Variants in NCKAP5 observed in about 807,000 individuals in gnomAD.
NCKAP5 encodes the protein NCK associated protein 5, also known as nck-associated protein 5.
Under a neutral mutation model 167.0 loss-of-function variants are expected in NCKAP5, and 92 were observed. That is an observed-to-expected ratio of 0.55 (90% CI 0.47 to 0.66). The LOEUF (loss-of-function observed/expected upper bound fraction) is 0.66. NCKAP5 is among the 30% of genes least tolerant of loss of function. The pLI is 0.00. For synonymous variants in NCKAP5, 891 were observed against 877.4 expected (o/e 1.02, Z -0.27); for missense variants, 2,378 against 2,315.0 (o/e 1.03, Z -0.56).
intron 6 of NCKAP5, among the ~76,000 whole-genome samples, chr2:133,035,930 A>G (rs1459922503): frequency 6.6e-6 from 1 of 151,972 alleles, no homozygotes; most frequent in Non-Finnish European, 1.5e-5. Flanking sequence ...ACAAACCTTT[A>G]GCCAGACTAA....
intron 3 of NCKAP5, among the ~76,000 whole-genome samples, chr2:133,316,667 A>G (rs1681631594): frequency 6.6e-6 from 1 of 152,222 alleles, no homozygotes; most frequent in African/African-American, 2.4e-5. Context: ...ATCACCCAAG[A>G]GGAGCGAACA....
the NCKAP5 span, among the ~76,000 whole-genome samples, chr2:133,588,636 G>A: frequency 2.0e-5 from 3 of 152,190 alleles, no homozygotes; most frequent in East Asian, 1.9e-4. Context: ...CTTTCAAGGA[G>A]CACACATTTT....
At chr2:133,057,558 A>C (rs1466121298) in intron 6 of NCKAP5, among the ~76,000 whole-genome samples, 1 of 152,206 alleles carries the variant, frequency 6.6e-6, no homozygotes, top group Non-Finnish European at 1.5e-5. Context: ...ATATCCCCTT[A>C]AGCCAAAGCC....
intron 13 of NCKAP5, among the ~76,000 whole-genome samples, chr2:132,787,764 A>G (rs1034953806): frequency 6.6e-6 from 1 of 152,160 alleles, no homozygotes; most frequent in Admixed American, 6.5e-5. Flanking sequence ...GAATCTGGGT[A>G]TTATAGCTCC....
Position 132,785,295 on chromosome 2 carries a change from T to C in NCKAP5, c.1516A>G (p.Ser506Gly), listed in dbSNP as rs763487377. Reference protein sequence around the residue: ...CRPHGSKLTHSVSDSLFGWET... With the variant: ...CRPHGSKLTHGVSDSLFGWET... ...CAGCCAAACAGACTGTCGGAAACAC[T>C]GTGGGTTAATTTACTGCCATGTGGC... Residue 506 changes from serine to glycine, a missense_variant, in exon 14 of 20, where the codon AGT becomes GGT. Around this residue, in one of 3 missense-constraint regions of NCKAP5, gnomAD observed 1,049 missense variants for 1,023.4 expected, o/e 1.02. Coordinates refer to ENST00000409261, the MANE Select transcript of NCKAP5 (RefSeq NM_207363.3). The C allele has an allele frequency of 3.3e-5, 53 of 1,604,856 alleles. No individual in the cohort carries two copies. Among genetic ancestry groups the C allele is most frequent in the Non-Finnish European group, 4.5e-5 (53 of 1,174,532 alleles).
intron 3 of NCKAP5, among the ~76,000 whole-genome samples, chr2:133,494,479 T>C (rs1185512032): frequency 6.6e-6 from 1 of 152,132 alleles, no homozygotes; most frequent in African/African-American, 2.4e-5. Context: ...ATCCCTTCAA[T>C]CCATTTTCCA....
At chr2:133,283,797 G>T (rs1315319114) in intron 4 of NCKAP5, among the ~76,000 whole-genome samples, 1 of 152,046 alleles carries the variant, frequency 6.6e-6, no homozygotes, top group Non-Finnish European at 1.5e-5. Flanking sequence ...TTTTAGTAGA[G>T]ATAGGGTTTC....
At chr2:133,420,272 G>A (rs1260533013) in intron 3 of NCKAP5, among the ~76,000 whole-genome samples, 1 of 152,142 alleles carries the variant, frequency 6.6e-6, no homozygotes, top group Non-Finnish European at 1.5e-5. Flanking sequence ...GGTATTATTT[G>A]GCAATTAAAA....
intron 6 of NCKAP5, among the ~76,000 whole-genome samples, chr2:133,034,654 T>C (rs2078985113): frequency 1.3e-5 from 2 of 152,202 alleles, no homozygotes; most frequent in South Asian, 2.1e-4. Context: ...ATTAATTTTC[T>C]TTTTCCTTGT....
intron 4 of NCKAP5, among the ~76,000 whole-genome samples, chr2:133,215,677 A>G (rs980364989): frequency 4.6e-5 from 7 of 152,220 alleles, no homozygotes; most frequent in African/African-American, 1.7e-4. Context: ...CAATGTATGG[A>G]ATACTGCAAA....
At chr2:132,950,183 T>G (rs2076141737) in intron 8 of NCKAP5, among the ~76,000 whole-genome samples, 1 of 152,216 alleles carries the variant, frequency 6.6e-6, no homozygotes, top group Non-Finnish European at 1.5e-5. Context: ...AAAAATATTT[T>G]TGAAAAAGTC....
the NCKAP5 span, among the ~76,000 whole-genome samples, chr2:133,647,713 A>AAGGAAGGAAGGAAGGAAGG: frequency 3.5e-5 from 3 of 85,712 alleles, no homozygotes; most frequent in Admixed American, 1.6e-4. Flanking sequence ...AAAGAAAAAG[A>AAGGAAGGAAGGAAGGAAGG]AAGGAAGGAA....
chr2:133,214,460 T>C (rs2086344165), intron 4 of NCKAP5, among the ~76,000 whole-genome samples: 1 of 152,346 alleles, frequency 6.6e-6, no homozygotes, highest in South Asian at 2.1e-4. Flanking sequence ...CTTCAGTGTG[T>C]AGGTAATATA....
chr2:133,647,775 GAAA>G, the NCKAP5 span, among the ~76,000 whole-genome samples: 3 of 133,020 alleles, frequency 2.3e-5, no homozygotes, highest in Admixed American at 7.9e-5. Flanking sequence ...AAAAAGAAAA[GAAA>G]AAAAAGAAAA....
the NCKAP5 span, among the ~76,000 whole-genome samples, chr2:133,669,528 G>A: frequency 2.6e-5 from 4 of 152,026 alleles, no homozygotes; most frequent in African/African-American, 7.2e-5. Flanking sequence ...TTCTTCAAAG[G>A]TATCTTTTTG....
intron 3 of NCKAP5, among the ~76,000 whole-genome samples, chr2:133,496,801 T>C (rs1023892134): frequency 6.6e-6 from 1 of 152,158 alleles, no homozygotes; most frequent in Non-Finnish European, 1.5e-5. Context: ...TGACCACCTA[T>C]GAGAGCCACT....
intron 7 of NCKAP5, among the ~76,000 whole-genome samples, chr2:132,964,778 C>G (rs1318292870): frequency 6.6e-6 from 1 of 151,836 alleles, no homozygotes; most frequent in Non-Finnish European, 1.5e-5. Flanking sequence ...AAAGACTTCT[C>G]TATATTTTAA....
At chr2:133,496,154 T>C (rs2082331) in intron 3 of NCKAP5, among the ~76,000 whole-genome samples, 8,572 of 152,196 alleles carry the variant, frequency 0.056, 327 homozygotes, top group Non-Finnish European at 0.082. Context: ...GAGTCCCTGA[T>C]TGATTACGAA....
At chr2:132,996,835 A>G (rs2077616933) in intron 6 of NCKAP5, among the ~76,000 whole-genome samples, 1 of 152,212 alleles carries the variant, frequency 6.6e-6, no homozygotes, top group Non-Finnish European at 1.5e-5. Context: ...CTGTGTCTGG[A>G]TGACCTTGTC....
Sources: gnomAD v4.1 joint callset for allele counts (sites outside exome capture counted in the v4.1 genomes callset) on GRCh38, gnomAD v4.1.1 for gene constraint, gnomAD v4.1.1 regional missense constraint, MANE v1.5 for transcripts, NCBI Gene and HGNC (gene_info 2026-07-23, HGNC 2026-07-21) for gene names.